Variants in FGF12 observed in about 807,000 individuals in gnomAD.
The protein encoded by FGF12 is fibroblast growth factor 12B.
FGF12 carries 14 observed loss-of-function variants against 23.6 expected under a neutral mutation model. The ratio of observed to expected loss-of-function variants is 0.59; its 90% CI spans 0.39 to 0.93. The LOEUF (loss-of-function observed/expected upper bound fraction) is 0.93, where lower values mean the gene tolerates loss of function less well. Among genes scored for constraint, FGF12 ranks in the 40% least tolerant of loss-of-function variants. The pLI is 0.00. For missense variants in FGF12, 175 were observed against 217.8 expected (o/e 0.80, Z 1.24); for synonymous variants, 62 against 77.3 (o/e 0.80, Z 1.04).
intron 2 of FGF12, among the ~76,000 whole-genome samples, chr3:192,680,412 C>T (rs2367014): frequency 0.43 from 64,875 of 151,936 alleles, 14,177 homozygotes; most frequent in East Asian, 0.62. Flanking sequence ...CGGACTCCAG[C>T]AGGAAAGCAG....
At chr3:192,420,470 A>C (rs1576968928) in intron 2 of FGF12, among the ~76,000 whole-genome samples, 1 of 152,098 alleles carries the variant, frequency 6.6e-6, no homozygotes, top group Admixed American at 6.6e-5. Context: ...ACCTGGTGGG[A>C]GGTGTTTGGG....
At chr3:192,412,023 T>C (rs73064253) in intron 2 of FGF12, among the ~76,000 whole-genome samples, 1,798 of 152,252 alleles carry the variant, frequency 0.012, 29 homozygotes, top group African/African-American at 0.039. Flanking sequence ...TGATTCCTGA[T>C]GGTCTCTCAA....
chr3:192,398,009 A>G (rs1290416425), intron 2 of FGF12, among the ~76,000 whole-genome samples: 1 of 152,150 alleles, frequency 6.6e-6, no homozygotes, highest in Non-Finnish European at 1.5e-5. Flanking sequence ...TATACAACTT[A>G]TCCGGGTTTA....
intron 2 of FGF12, chr3:192,534,054 G>A: frequency 5.2e-6 from 1 of 192,906 alleles, no homozygotes. Context: ...TTCAAGGGTG[G>A]CACATCTCAC....
intron 2 of FGF12, among the ~76,000 whole-genome samples, chr3:192,621,296 T>C (rs893533845): frequency 6.6e-6 from 1 of 152,188 alleles, no homozygotes; most frequent in East Asian, 1.9e-4. Flanking sequence ...CTGTCCAGAA[T>C]TTTTTCCCAT....
At chr3:192,182,965 T>A (rs1716261531) in intron 4 of FGF12, among the ~76,000 whole-genome samples, 1 of 152,232 alleles carries the variant, frequency 6.6e-6, no homozygotes, top group Admixed American at 6.5e-5. Flanking sequence ...TTGTGTTACT[T>A]GTTTGCTCAT....
intron 2 of FGF12, among the ~76,000 whole-genome samples, chr3:192,627,873 T>TGTGTGTGTGTGA (rs1301446457): frequency 1.3e-5 from 2 of 152,072 alleles, no homozygotes; most frequent in African/African-American, 2.4e-5. Flanking sequence ...TGTGTGTGTG[T>TGTGTGTGTGTGA]GTGTGTTTAG....
At chr3:192,385,195 G>C (rs770459478) in intron 2 of FGF12, among the ~76,000 whole-genome samples, 5 of 151,968 alleles carry the variant, frequency 3.3e-5, no homozygotes, top group African/African-American at 4.8e-5. Flanking sequence ...CTCTTAATGT[G>C]GAGTTCTGTT....
chr3:192,169,436 GC>G, intron 5 of FGF12, among the ~76,000 whole-genome samples: 1 of 152,302 alleles, frequency 6.6e-6, no homozygotes, highest in Non-Finnish European at 1.5e-5. Flanking sequence ...CCTGAGAGGG[GC>G]TAGGGGCTTT....
chr3:192,621,290 C>A (rs1429984778), intron 2 of FGF12, among the ~76,000 whole-genome samples: 1 of 152,038 alleles, frequency 6.6e-6, no homozygotes, highest in East Asian at 1.9e-4. Context: ...TATTTTCTGT[C>A]CAGAATTTTT....
At chr3:192,506,800 T>C (rs1724317332) in intron 2 of FGF12, among the ~76,000 whole-genome samples, 1 of 152,200 alleles carries the variant, frequency 6.6e-6, no homozygotes, top group African/African-American at 2.4e-5. Flanking sequence ...TGATCTCCAT[T>C]TTAACAATGC....
At chr3:192,181,236 A>C (rs1380459015) in intron 4 of FGF12, among the ~76,000 whole-genome samples, 2 of 152,146 alleles carry the variant, frequency 1.3e-5, no homozygotes, top group Non-Finnish European at 2.9e-5. Context: ...CAAAGAGGGC[A>C]TTCAATGAAG....
At chr3:192,475,125 T>C (rs1408866523) in intron 2 of FGF12, among the ~76,000 whole-genome samples, 2 of 152,212 alleles carry the variant, frequency 1.3e-5, no homozygotes, top group African/African-American at 4.8e-5. Context: ...CTATTGAATA[T>C]AATTTGAATT....
chr3:192,170,573 C>G lies in FGF12; in HGVS notation c.312G>C (p.Gln104His). Residue 104 changes from glutamine (Q) to histidine (H), a missense_variant, in exon 5 of 6, where the codon CAG becomes CAC. Coordinates refer to ENST00000445105, the MANE Select transcript of FGF12 (RefSeq NM_004113.6). ...YVIYSSTLYRQQESGRAWFLG... is the reference protein window; with the variant it reads ...YVIYSSTLYRHQESGRAWFLG... ...GAAACCAAGCTCGGCCTGATTCTTG[C>G]TGGCGGTACAGTGTGGAAGAATAGA... 2 of 1,613,724 alleles carry G rather than the reference C, an allele frequency of 1.2e-6. No homozygotes were observed. Among genetic ancestry groups the G allele is most frequent in the Non-Finnish European group, 1.7e-6 (2 of 1,179,966 alleles).
chr3:192,146,997 G>T (rs1713764002), intron 5 of FGF12, among the ~76,000 whole-genome samples: 1 of 152,134 alleles, frequency 6.6e-6, no homozygotes, highest in Non-Finnish European at 1.5e-5. Flanking sequence ...TCATGTCCCA[G>T]TTAGAAAACG....
At chr3:192,581,097 A>G (rs1449273275) in intron 2 of FGF12, among the ~76,000 whole-genome samples, 12 of 152,164 alleles carry the variant, frequency 7.9e-5, no homozygotes, top group Non-Finnish European at 1.6e-4. Context: ...GACATAATAT[A>G]CTCAGTGAGA....
intron 2 of FGF12, among the ~76,000 whole-genome samples, chr3:192,705,922 T>C (rs1462615130): frequency 6.6e-6 from 1 of 152,252 alleles, no homozygotes; most frequent in Non-Finnish European, 1.5e-5. Context: ...TCTTTACAAT[T>C]ATTCATTTTT....
At chr3:192,492,575 A>C (rs1272679485) in intron 2 of FGF12, among the ~76,000 whole-genome samples, 2 of 151,764 alleles carry the variant, frequency 1.3e-5, no homozygotes, top group African/African-American at 4.8e-5. Flanking sequence ...TGAAACTGTT[A>C]AAAAAAAGTA....
At chr3:192,540,913 T>G (rs946249554) in intron 2 of FGF12, among the ~76,000 whole-genome samples, 3 of 152,086 alleles carry the variant, frequency 2.0e-5, no homozygotes, top group Admixed American at 6.5e-5. Context: ...CTTTGTATAG[T>G]TTTTGTCTTG....
Sources: gnomAD v4.1 joint callset for allele counts (sites outside exome capture counted in the v4.1 genomes callset) on GRCh38, gnomAD v4.1.1 for gene constraint, MANE v1.5 for transcripts, NCBI Gene and HGNC (gene_info 2026-07-23, HGNC 2026-07-21) for gene names.